The following GULP1 variants were observed in gnomAD, a reference collection of about 807,000 sequenced individuals.
The protein encoded by GULP1 is GULP PTB domain containing engulfment adaptor 1.
GULP1 carries 19 observed loss-of-function variants against 40.9 expected under a neutral mutation model. That is an observed-to-expected ratio of 0.46 (90% CI 0.32 to 0.68). The LOEUF (loss-of-function observed/expected upper bound fraction) is 0.68, where lower values mean the gene tolerates loss of function less well. Among genes scored for constraint, GULP1 ranks in the 30% least tolerant of loss-of-function variants. The pLI, the probability that GULP1 is intolerant of heterozygous loss-of-function variation, is 0.03. For synonymous variants in GULP1, 119 were observed against 117.6 expected, an observed-to-expected ratio of 1.01 and a Z score of -0.08; for missense variants, 312 against 362.2, an observed-to-expected ratio of 0.86 and a Z score of 1.12.
intron 1 of GULP1, among the ~76,000 whole-genome samples, chr2:188,324,688 G>C (rs13394422): frequency 0.15 from 22,979 of 151,608 alleles, 1,889 homozygotes; most frequent in African/African-American, 0.17. Context: ...TATTTCAAGG[G>C]TTGAAATATC....
chr2:188,588,204 T>A, intron 11 of GULP1: 1 of 447,864 alleles, frequency 2.2e-6, no homozygotes, highest in Non-Finnish European at 4.2e-6. Flanking sequence ...AAATACAAAA[T>A]GGCATGGATT....
rs560226678 is a variant in GULP1, at chr2:188,513,304, T to C, written c.91-9452T>C. Among the ~76,000 whole-genome samples, 4 of 152,292 alleles carry C rather than the reference T, an allele frequency of 2.6e-5. No individual in the cohort carries two copies. The South Asian group carries it at 8.3e-4, about 32-fold the overall frequency. On this transcript the variant is annotated intron_variant, in intron 4 of 11. Coordinates refer to ENST00000409830, the MANE Select transcript of GULP1 (RefSeq NM_016315.4). ...CTACATCTTACCTTTTATAATCTAA[T>C]ATTCTAAATTTCCCATCTGTGTTTT... is the stretch of plus-strand genomic sequence containing the variant.
intron 3 of GULP1, among the ~76,000 whole-genome samples, chr2:188,481,800 C>A (rs1222037804): frequency 7.9e-5 from 12 of 151,914 alleles, no homozygotes; most frequent in Admixed American, 7.9e-4. Context: ...AGAAATTGGA[C>A]ATCTTAGTTT....
chr2:188,311,357 C>T (rs780837614), intron 1 of GULP1, among the ~76,000 whole-genome samples: 13 of 152,082 alleles, frequency 8.5e-5, no homozygotes, highest in Non-Finnish European at 1.9e-4. Flanking sequence ...CCACCGTGCC[C>T]AGCTAATTTT....
intron 4 of GULP1, among the ~76,000 whole-genome samples, chr2:188,500,927 T>C (rs117544469): frequency 0.01 from 1,538 of 152,040 alleles, 20 homozygotes; most frequent in Admixed American, 0.036. Context: ...ATTAGTACTT[T>C]AGCAGCAAGT....
chr2:188,478,905 A>G (rs1206819475), intron 3 of GULP1, among the ~76,000 whole-genome samples: 1 of 152,172 alleles, frequency 6.6e-6, no homozygotes, highest in Non-Finnish European at 1.5e-5. Flanking sequence ...ACTGACACAT[A>G]GTAACGTGCC....
At chr2:188,589,141 G>A (rs371109888) in intron 11 of GULP1, 1 of 151,916 alleles carries the variant, frequency 6.6e-6, no homozygotes, top group African/African-American at 2.4e-5. Context: ...TGTCCTTATG[G>A]TTTTTATAAA....
chr2:188,363,636 C>A (rs891107775), intron 1 of GULP1, among the ~76,000 whole-genome samples: 1 of 151,980 alleles, frequency 6.6e-6, no homozygotes, highest in African/African-American at 2.4e-5. Flanking sequence ...GGAATGAAGA[C>A]GAAGGTATAC....
Position 188,567,811 on chromosome 2 carries a change from C to G in GULP1, c.400-1428C>G, listed in dbSNP as rs1275217792. Among the ~76,000 whole-genome samples, 4 of 152,058 alleles carry G rather than the reference C, an allele frequency of 2.6e-5. No homozygotes were observed. In the South Asian group the frequency reaches 6.2e-4, roughly 24 times the overall value. ...AAACGTCTTTTTATTGTAAAATAAACAGAAACCTATTACCCAAAGTTTTGA... is the reference window on the plus strand; with the variant it reads ...AAACGTCTTTTTATTGTAAAATAAAGAGAAACCTATTACCCAAAGTTTTGA... On this transcript the variant is annotated intron_variant, in intron 7 of 11. Coordinates refer to ENST00000409830, the MANE Select transcript of GULP1 (RefSeq NM_016315.4).
intron 1 of GULP1, among the ~76,000 whole-genome samples, chr2:188,367,999 G>A (rs987984544): frequency 1.3e-5 from 2 of 151,780 alleles, no homozygotes; most frequent in Non-Finnish European, 1.5e-5. Flanking sequence ...TCTTTCTTTT[G>A]TGTCTCCTTT....
chr2:188,595,416 A>G lies in GULP1; in HGVS notation c.*1405A>G, dbSNP rs778210889. ...GAAATCAAATATGCTTATGCAATATATATTTGTGTGTTTTTCCTTAATGTT... is the reference window on the plus strand; with the variant it reads ...GAAATCAAATATGCTTATGCAATATGTATTTGTGTGTTTTTCCTTAATGTT... On this transcript the variant is annotated 3_prime_UTR_variant, in exon 12 of 12. Transcript: ENST00000409830. 7 of 152,290 alleles carry G rather than the reference A, an allele frequency of 4.6e-5. No individual in the cohort carries two copies. Among genetic ancestry groups the G allele is most frequent in the Non-Finnish European group, 8.9e-5 (6 of 67,746 alleles). The allele number at this position is 152,290 out of a possible 1,614,324, so 9.4% of individuals were successfully genotyped here.
intron 2 of GULP1, among the ~76,000 whole-genome samples, chr2:188,476,778 G>T (rs1429872316): frequency 1.3e-5 from 2 of 151,956 alleles, no homozygotes; most frequent in Admixed American, 6.6e-5. Flanking sequence ...CTATTTTGTG[G>T]ACCCCAAATA....
chr2:188,548,735 T>C (rs557069258), intron 7 of GULP1, among the ~76,000 whole-genome samples: 78 of 151,866 alleles, frequency 5.1e-4, no homozygotes, highest in African/African-American at 1.7e-3. Flanking sequence ...AGACAATAGG[T>C]CAATGGAAGA....
rs192317757 is a variant in GULP1, at chr2:188,296,276, T to C, written c.-172+4110T>C. On this transcript the variant is annotated intron_variant, in intron 1 of 11. Coordinates refer to ENST00000409830, the MANE Select transcript of GULP1 (RefSeq NM_016315.4). ...ACTTTCAAATACTGGGGATATGAAA[T>C]TGAAATCAGGCCTTTATTTTTAAAG... Among the ~76,000 whole-genome samples, 40 of 152,180 alleles carry C rather than the reference T, an allele frequency of 2.6e-4. 1 individual carries two copies. Among genetic ancestry groups the C allele is most frequent in the African/African-American group, 9.6e-4 (40 of 41,552 alleles).
At chr2:188,412,546 G>C (rs1575091880) in intron 2 of GULP1, among the ~76,000 whole-genome samples, 1 of 152,020 alleles carries the variant, frequency 6.6e-6, no homozygotes, top group South Asian at 2.1e-4. Context: ...ATAACACCTG[G>C]TGATTATGGG....
intron 2 of GULP1, among the ~76,000 whole-genome samples, chr2:188,396,139 T>C (rs547779920): frequency 6.6e-6 from 1 of 152,320 alleles, no homozygotes; most frequent in South Asian, 2.1e-4. Flanking sequence ...GAGTGCTGGA[T>C]GCTGTAGAAG....
chr2:188,473,769 C>T (rs987890986), intron 2 of GULP1, among the ~76,000 whole-genome samples: 6 of 151,782 alleles, frequency 4.0e-5, no homozygotes, highest in Admixed American at 1.3e-4. Flanking sequence ...TTCTCTACCC[C>T]ACTGTGGCTG....
In GULP1 at chr2:188,438,480, A is replaced by C. The variant is rs115429724; in HGVS notation, c.-44-39179A>C. 4.8e-3 allele frequency among the ~76,000 whole-genome samples: 729 copies of C among 150,952 alleles called. 6 individuals are homozygous for C. The highest frequency in any genetic ancestry group is 0.016 in the African/African-American group (679 of 41,304). On this transcript the variant is annotated intron_variant, in intron 2 of 11. Coordinates refer to ENST00000409830, the MANE Select transcript of GULP1 (RefSeq NM_016315.4). Reference sequence around the variant, plus strand: ...TTAATAGTTATATAATCAGTATATTAACATAACAATTATTAATATAATTAT... The same window carrying C: ...TTAATAGTTATATAATCAGTATATTCACATAACAATTATTAATATAATTAT...
chr2:188,595,100 T>C lies in GULP1; in HGVS notation c.*1089T>C, dbSNP rs973535320. ...ACCCAGTTACTGCTCAGTTTAGTCT[T>C]GAACATGAGCAATAAAATTCTCTTG... On this transcript the variant is annotated 3_prime_UTR_variant, in exon 12 of 12. Coordinates refer to ENST00000409830, the MANE Select transcript of GULP1 (RefSeq NM_016315.4). 6.6e-6 allele frequency: 1 copy of C among 151,346 alleles called. No homozygotes were observed. The highest frequency in any genetic ancestry group is 2.4e-5 in the African/African-American group (1 of 41,350). 9.4% of individuals were successfully genotyped at this position (151,346 alleles called of 1,614,324 possible).
Sources: gnomAD v4.1 joint callset for allele counts (sites outside exome capture counted in the v4.1 genomes callset) on GRCh38, gnomAD v4.1.1 for gene constraint, MANE v1.5 for transcripts, NCBI Gene and HGNC (gene_info 2026-07-23, HGNC 2026-07-21) for gene names.